The following KIAA1549L variants were observed in gnomAD, a reference collection of about 807,000 sequenced individuals.
The protein encoded by KIAA1549L is UPF0606 protein KIAA1549L.
KIAA1549L carries 88 observed loss-of-function variants against 160.7 expected under a neutral mutation model. That is an observed-to-expected ratio of 0.55 (90% CI 0.46 to 0.65). The LOEUF (loss-of-function observed/expected upper bound fraction) is 0.65. KIAA1549L is among the 30% of genes least tolerant of loss of function. The pLI is 0.00. For missense variants in KIAA1549L, 2,258 were observed against 2,437.5 expected (o/e 0.93, Z 1.55); for synonymous variants, 950 against 976.7 (o/e 0.97, Z 0.51).
intron 1 of KIAA1549L, among the ~76,000 whole-genome samples, chr11:33,495,901 GT>G: frequency 6.6e-6 from 1 of 152,036 alleles, no homozygotes; most frequent in African/African-American, 2.4e-5. Context: ...TTTTTCATGT[GT>G]TTTTTGGCTG....
intron 1 of KIAA1549L, among the ~76,000 whole-genome samples, chr11:33,448,104 TA>T: frequency 6.6e-6 from 1 of 152,242 alleles, no homozygotes. Flanking sequence ...AGTTTTACTT[TA>T]AATTCCGGGA....
chr11:33,435,096 T>C (rs1163053719), intron 1 of KIAA1549L, among the ~76,000 whole-genome samples: 1 of 152,222 alleles, frequency 6.6e-6, no homozygotes, highest in Non-Finnish European at 1.5e-5. Context: ...TTCTGGAAAT[T>C]AGAAAAATAA....
intron 16 of KIAA1549L, among the ~76,000 whole-genome samples, chr11:33,638,970 G>T (rs573643669): frequency 6.6e-6 from 1 of 152,216 alleles, no homozygotes; most frequent in Non-Finnish European, 1.5e-5. Flanking sequence ...TGAGTTGCTT[G>T]TCTTTTTGTT....
intron 1 of KIAA1549L, among the ~76,000 whole-genome samples, chr11:33,540,097 T>C (rs1853981566): frequency 6.6e-6 from 1 of 152,322 alleles, no homozygotes; most frequent in East Asian, 1.9e-4. Context: ...GGTCATTCAG[T>C]CAGTTACAGA....
intron 1 of KIAA1549L, among the ~76,000 whole-genome samples, chr11:33,500,331 G>T (rs1040511367): frequency 6.6e-6 from 1 of 152,146 alleles, no homozygotes; most frequent in Admixed American, 6.6e-5. Flanking sequence ...TAAATGAGAT[G>T]AAGTGTATAT....
At chr11:33,632,621 C>A (rs1044404128) in intron 16 of KIAA1549L, among the ~76,000 whole-genome samples, 6 of 152,132 alleles carry the variant, frequency 3.9e-5, no homozygotes, top group African/African-American at 1.4e-4. Flanking sequence ...CTCTGTTGCC[C>A]AGGCTGGAGT....
At chr11:33,472,174 A>G (rs923456243) in intron 1 of KIAA1549L, among the ~76,000 whole-genome samples, 2 of 146,482 alleles carry the variant, frequency 1.4e-5, no homozygotes, top group Non-Finnish European at 3.0e-5. Context: ...TTGCTGCGTT[A>G]CCTAGACTTG....
intron 1 of KIAA1549L, among the ~76,000 whole-genome samples, chr11:33,422,265 C>A (rs1851028516): frequency 6.6e-6 from 1 of 152,142 alleles, no homozygotes; most frequent in Non-Finnish European, 1.5e-5. Context: ...CAAGGTGACT[C>A]CAAGGCACAC....
At chr11:33,476,171 A>G (rs916440069) in intron 1 of KIAA1549L, among the ~76,000 whole-genome samples, 1 of 152,254 alleles carries the variant, frequency 6.6e-6, no homozygotes, top group Non-Finnish European at 1.5e-5. Context: ...TGAAGGGAAC[A>G]AGAATCTGCA....
intron 16 of KIAA1549L, among the ~76,000 whole-genome samples, chr11:33,625,727 T>C (rs1851090347): frequency 6.6e-6 from 1 of 152,200 alleles, no homozygotes; most frequent in African/African-American, 2.4e-5. Context: ...ACTCTGATGG[T>C]AGTTTCTTTT....
At chr11:33,608,099 TAA>T (rs1310251544) in intron 14 of KIAA1549L, among the ~76,000 whole-genome samples, 1 of 152,174 alleles carries the variant, frequency 6.6e-6, no homozygotes, top group Non-Finnish European at 1.5e-5. Flanking sequence ...GCATTGTGCT[TAA>T]AAGAGTATGG....
chr11:33,460,417 G>A (rs1186533258), intron 1 of KIAA1549L, among the ~76,000 whole-genome samples: 1 of 152,206 alleles, frequency 6.6e-6, no homozygotes, highest in Non-Finnish European at 1.5e-5. Flanking sequence ...AGGGGTTGTG[G>A]ATGAAACAAT....
intron 13 of KIAA1549L, among the ~76,000 whole-genome samples, chr11:33,603,719 T>C (rs1590388414): frequency 6.7e-6 from 1 of 150,144 alleles, no homozygotes. Flanking sequence ...GGCAGGAGAA[T>C]CCCTTGAACC....
rs76383024 is a variant in KIAA1549L, at chr11:33,668,878, C to T, written c.*724C>T. ...TGTTGCCATTTTGGAAATAAAAGTC[C>T]CCTACAAGTTAGGATCTAACTGAAA... On this transcript the variant is annotated 3_prime_UTR_variant, in exon 21 of 21. Transcript: ENST00000658780. 1 of 152,082 alleles carries T rather than the reference C, an allele frequency of 6.6e-6. No homozygotes were observed. The highest frequency in any genetic ancestry group is 1.5e-5 in the Non-Finnish European group (1 of 68,020). 9.4% of individuals were successfully genotyped at this position (152,082 alleles called of 1,614,324 possible). A position where few individuals can be genotyped will look rare whatever the true frequency, so the allele number is the denominator to read the frequency against.
chr11:33,441,740 A>G (rs1361178953), intron 1 of KIAA1549L, among the ~76,000 whole-genome samples: 18 of 152,104 alleles, frequency 1.2e-4, no homozygotes, highest in African/African-American at 3.6e-4. Flanking sequence ...GTCTGTTCAT[A>G]TCCTTTGCCC....
At chr11:33,642,673 G>A (rs368517450) in intron 16 of KIAA1549L, among the ~76,000 whole-genome samples, 5 of 142,538 alleles carry the variant, frequency 3.5e-5, no homozygotes, top group East Asian at 1.9e-4. Context: ...AATGAGTCAG[G>A]GTGGAGCAGG....
At chr11:33,580,915 G>A (rs918019593) in intron 10 of KIAA1549L, among the ~76,000 whole-genome samples, 1 of 152,200 alleles carries the variant, frequency 6.6e-6, no homozygotes, top group African/African-American at 2.4e-5. Context: ...TTGTTGGGGG[G>A]TCAAGAAGAG....
chr11:33,489,777 C>T (rs1043890452), intron 1 of KIAA1549L, among the ~76,000 whole-genome samples: 7 of 152,092 alleles, frequency 4.6e-5, no homozygotes, highest in South Asian at 4.2e-4. Context: ...CAAGAATTGG[C>T]GTTGGAAAAT....
Position 33,591,419 on chromosome 11 carries a change from G to A in KIAA1549L, c.4749G>A (p.Lys1583=). The change falls in exon 12 of 21, where the codon AAG becomes AAA. Residue 1583 remains lysine (K), a splice_region_variant and synonymous_variant. Coordinates refer to ENST00000658780, the MANE Select transcript of KIAA1549L (RefSeq NM_012194.3). The part of the protein sequence containing the change: ...IKTAKSTETR[K]SRSPSENGSV... ...CCGCCAAATCCACTGAAACCAGGAA[G>A]AGGTAGGCACGGGGCTGACTTCTGC... The A allele has an allele frequency of 6.2e-7, 1 of 1,602,180 alleles. No homozygotes were observed. Among genetic ancestry groups the A allele is most frequent in the Non-Finnish European group, 8.5e-7 (1 of 1,170,886 alleles).
Sources: gnomAD v4.1 joint callset for allele counts (sites outside exome capture counted in the v4.1 genomes callset) on GRCh38, gnomAD v4.1.1 for gene constraint, MANE v1.5 for transcripts, NCBI Gene and HGNC (gene_info 2026-07-23, HGNC 2026-07-21) for gene names.